Variants in CACNA2D3 observed in about 807,000 individuals in gnomAD.
CACNA2D3 encodes the protein voltage-dependent calcium channel subunit alpha-2/delta-3.
In CACNA2D3, 60 loss-of-function variants were observed where a neutral mutation model predicts 160.6. The ratio of observed to expected loss-of-function variants is 0.37; its 90% CI spans 0.30 to 0.46. The LOEUF is 0.46. Among genes scored for constraint, CACNA2D3 ranks in the 20% least tolerant of loss-of-function variants. CACNA2D3 has a pLI of 1.00. For missense variants in CACNA2D3, 1,205 were observed against 1,365.0 expected (o/e 0.88, Z 1.85); for synonymous variants, 558 against 492.9 (o/e 1.13, Z -1.75).
intron 4 of CACNA2D3, among the ~76,000 whole-genome samples, chr3:54,443,205 T>TGGGGCAGCTTTATATGCCA (rs2106798945): frequency 6.6e-6 from 1 of 152,258 alleles, no homozygotes; most frequent in African/African-American, 2.4e-5. Flanking sequence ...TCGGGGGATA[T>TGGGGCAGCTTTATATGCCA]GGGGCAGCTT....
rs370021153 is a variant in CACNA2D3, at chr3:54,940,083, C to T, written c.2450-28367C>T. On this transcript the variant is annotated intron_variant, in intron 27 of 37. Transcript: ENST00000474759. ...CTTACAGCCTTCCCACTGGACAGCTCAATCTTCTATGGTCAGGAAAAAACC... is the reference window on the plus strand; with the variant it reads ...CTTACAGCCTTCCCACTGGACAGCTTAATCTTCTATGGTCAGGAAAAAACC... 5.9e-5 allele frequency among the ~76,000 whole-genome samples: 9 copies of T among 152,288 alleles called. No homozygotes were observed. In the East Asian group the frequency reaches 9.7e-4, roughly 16 times the overall value.
chr3:54,653,332 T>C (rs1699811693), intron 11 of CACNA2D3, among the ~76,000 whole-genome samples: 1 of 152,178 alleles, frequency 6.6e-6, no homozygotes, highest in African/African-American at 2.4e-5. Flanking sequence ...GGTGCTGACA[T>C]TTCTCTCTTC....
chr3:54,923,648 G>T (rs2106937058), intron 27 of CACNA2D3, among the ~76,000 whole-genome samples: 1 of 152,286 alleles, frequency 6.6e-6, no homozygotes, highest in East Asian at 1.9e-4. Context: ...GCATACAAAA[G>T]GCACTCAAAT....
intron 31 of CACNA2D3, among the ~76,000 whole-genome samples, chr3:54,999,705 C>G (rs1453043560): frequency 1.3e-5 from 2 of 152,198 alleles, no homozygotes; most frequent in East Asian, 3.8e-4. Flanking sequence ...AGTTGCTAAC[C>G]ACCCCTAAAT....
rs545922969 is a variant in CACNA2D3 at position 54,844,390 on chromosome 3, G to A, written c.1552-2003G>A. 4.0e-4 allele frequency among the ~76,000 whole-genome samples: 61 copies of A among 152,252 alleles called. 1 individual carries two copies. Among genetic ancestry groups the A allele is most frequent in the African/African-American group, 1.3e-3 (56 of 41,558 alleles). On this transcript the variant is annotated intron_variant, in intron 16 of 37. Coordinates refer to ENST00000474759, the MANE Select transcript of CACNA2D3 (RefSeq NM_018398.3). ...GGTTGAGGCATAAAGGGGCAATAAG[G>A]AAACAGAGATGGCACTTGGTTAATG... is the stretch of plus-strand genomic sequence containing the variant.
chr3:54,856,659 A>G (rs566819348), intron 17 of CACNA2D3, among the ~76,000 whole-genome samples: 13 of 152,374 alleles, frequency 8.5e-5, no homozygotes, highest in African/African-American at 2.9e-4. Flanking sequence ...TAAAAATACT[A>G]CACAATTTGG....
At chr3:54,638,741 T>TA (rs1361408443) in intron 10 of CACNA2D3, 1 of 151,992 alleles carries the variant, frequency 6.6e-6, no homozygotes, top group Non-Finnish European at 1.5e-5. Flanking sequence ...TTGCCCATTT[T>TA]ACGCCAAGAA....
At chr3:54,442,301 A>G (rs1421482288) in intron 4 of CACNA2D3, among the ~76,000 whole-genome samples, 1 of 152,062 alleles carries the variant, frequency 6.6e-6, no homozygotes, top group Non-Finnish European at 1.5e-5. Flanking sequence ...GCTTCTAGAG[A>G]ATGCTTCTTC....
intron 30 of CACNA2D3, among the ~76,000 whole-genome samples, chr3:54,987,244 G>T (rs1421708878): frequency 2.0e-5 from 3 of 152,188 alleles, no homozygotes; most frequent in African/African-American, 7.2e-5. Context: ...GTGGACTGCT[G>T]TATTTCCCTA....
chr3:54,332,835 G>C (rs1704294845), intron 3 of CACNA2D3, among the ~76,000 whole-genome samples: 1 of 152,152 alleles, frequency 6.6e-6, no homozygotes, highest in African/African-American at 2.4e-5. Context: ...AGTTATATCA[G>C]CCTGGGGTCT....
At chr3:54,969,946 G>C (rs1279540235) in intron 29 of CACNA2D3, 102 bp downstream of exon 29, 4 of 944,892 alleles carry the variant, frequency 4.2e-6, no homozygotes, top group Non-Finnish European at 6.6e-6. Context: ...CCAGGTTGAC[G>C]CATTGTACTG....
chr3:54,472,225 A>T (rs545628522), intron 4 of CACNA2D3, among the ~76,000 whole-genome samples: 10 of 152,346 alleles, frequency 6.6e-5, no homozygotes, highest in African/African-American at 2.2e-4. Context: ...CATCCCTGGG[A>T]TGCAAGGCTG....
At chr3:54,726,567 T>G (rs1701281383) in intron 11 of CACNA2D3, among the ~76,000 whole-genome samples, 2 of 152,046 alleles carry the variant, frequency 1.3e-5, no homozygotes, top group Admixed American at 1.3e-4. Flanking sequence ...AAAACAGAGA[T>G]ATAGACCAAT....
At chr3:54,129,992 C>A (rs1699676593) in intron 2 of CACNA2D3, among the ~76,000 whole-genome samples, 1 of 152,184 alleles carries the variant, frequency 6.6e-6, no homozygotes, top group African/African-American at 2.4e-5. Flanking sequence ...CACGCCAGTC[C>A]AACAGGCATG....
chr3:54,266,977 G>C (rs1194766889), intron 2 of CACNA2D3, among the ~76,000 whole-genome samples: 1 of 152,154 alleles, frequency 6.6e-6, no homozygotes, highest in African/African-American at 2.4e-5. Context: ...CTTGAGCATG[G>C]AGCTTGGCAG....
At chr3:54,849,706 C>G (rs1158471435) in intron 17 of CACNA2D3, among the ~76,000 whole-genome samples, 3 of 152,102 alleles carry the variant, frequency 2.0e-5, no homozygotes, top group African/African-American at 7.2e-5. Flanking sequence ...ATGGACGATC[C>G]CCTTAGTTCT....
Position 54,846,632 on chromosome 3 carries a change from A to G in CACNA2D3, c.1626+165A>G, listed in dbSNP as rs566594397. Among the ~76,000 whole-genome samples the G allele has an allele frequency of 4.6e-5, 7 of 152,376 alleles. No homozygotes were observed. The South Asian group carries it at 6.2e-4, about 14-fold the overall frequency. On this transcript the variant is annotated intron_variant, in intron 17 of 37. Transcript: ENST00000474759. ...AGTTTATAAACTGGTATTTGGACACATAATACATAAATAATGTTGGATAAA... is the reference window on the plus strand; with the variant it reads ...AGTTTATAAACTGGTATTTGGACACGTAATACATAAATAATGTTGGATAAA...
intron 11 of CACNA2D3, among the ~76,000 whole-genome samples, chr3:54,693,506 T>G (rs982789210): frequency 2.6e-5 from 4 of 152,232 alleles, no homozygotes; most frequent in Non-Finnish European, 5.9e-5. Flanking sequence ...TACTGGTTTA[T>G]GTACTGTACT....
intron 27 of CACNA2D3, among the ~76,000 whole-genome samples, chr3:54,944,000 A>C (rs563374647): frequency 6.6e-6 from 1 of 152,144 alleles, no homozygotes; most frequent in African/African-American, 2.4e-5. Context: ...TTCGTTTCCT[A>C]ACCATTTGAC....
Sources: gnomAD v4.1 joint callset for allele counts (sites outside exome capture counted in the v4.1 genomes callset) on GRCh38, gnomAD v4.1.1 for gene constraint, MANE v1.5 for transcripts, NCBI Gene and HGNC (gene_info 2026-07-23, HGNC 2026-07-21) for gene names.